PCDHA3: variants seen among roughly 807,000 people sequenced by gnomAD.
The protein encoded by PCDHA3 is protocadherin alpha 3, also known as protocadherin alpha-3.
A neutral mutation model predicts 62.2 loss-of-function variants in PCDHA3; 41 were observed. That is an observed-to-expected ratio of 0.66 (90% CI 0.51 to 0.86). PCDHA3 has a LOEUF of 0.86. Ranked by LOEUF, PCDHA3 falls within the 40% of genes least tolerant of loss-of-function variation. The pLI is 0.00. For synonymous variants in PCDHA3, 640 were observed against 555.4 expected (o/e 1.15, Z -2.14); for missense variants, 1,304 against 1,241.2 (o/e 1.05, Z -0.76).
At chr5:140,824,894 T>C (rs1768384887) in intron 1 of PCDHA3, 1 of 152,172 alleles carries the variant, frequency 6.6e-6, no homozygotes, top group Non-Finnish European at 1.5e-5. Context: ...ATTTCAACTT[T>C]GCCTAAGCAG....
At chr5:140,998,906 AG>A (rs1267220398) in intron 3 of PCDHA3, among the ~76,000 whole-genome samples, 10 of 152,208 alleles carry the variant, frequency 6.6e-5, no homozygotes, top group Non-Finnish European at 1.5e-5. Context: ...TGCCTCCGGG[AG>A]GTAGCTATTA....
rs139245496 is a variant in PCDHA3, at chr5:140,822,899, A to T, written c.2394+19308A>T. ...GTCATTGCTCTGATCAGCGTGTCTGACCGTGACTCAGGTGCCAACGGGCAG... is the reference window on the plus strand; with the variant it reads ...GTCATTGCTCTGATCAGCGTGTCTGTCCGTGACTCAGGTGCCAACGGGCAG... On this transcript the variant is annotated intron_variant, in intron 1 of 3. Transcript: ENST00000522353. The T allele has an allele frequency of 4.7e-4, 756 of 1,614,196 alleles. 1 individual carries two copies. Among genetic ancestry groups the T allele is most frequent in the Admixed American group, 7.3e-4 (44 of 60,034 alleles).
intron 3 of PCDHA3, among the ~76,000 whole-genome samples, chr5:140,992,214 C>G (rs2097499658): frequency 6.6e-6 from 1 of 152,152 alleles, no homozygotes; most frequent in Non-Finnish European, 1.5e-5. Flanking sequence ...ATAAACTACT[C>G]TCCCTTCCTG....
chr5:140,896,748 A>T (rs1554187100), intron 1 of PCDHA3, among the ~76,000 whole-genome samples: 1 of 151,856 alleles, frequency 6.6e-6, no homozygotes, highest in African/African-American at 2.4e-5. Context: ...TAGATTCTGG[A>T]TATTAGACCT....
intron 1 of PCDHA3, chr5:140,822,176 G>A (rs2150114361): frequency 6.2e-7 from 1 of 1,614,274 alleles, no homozygotes; most frequent in East Asian, 2.2e-5. Context: ...AGGTTCTCCA[G>A]ACAAGAACAA....
In PCDHA3 at chr5:140,802,315, G is replaced by A. The variant is rs782357287; in HGVS notation, c.1118G>A (p.Ser373Asn). 6.2e-7 allele frequency: 1 copy of A among 1,614,248 alleles called. No individual in the cohort carries two copies. Among genetic ancestry groups the A allele is most frequent in the East Asian group, 2.2e-5 (1 of 44,890 alleles). ...SPLSTVIALI[S>N]VSDRDSGVNG... ...CTTAGCACAGTCATCGCTCTGATCA[G>A]CGTGTCCGACCGCGACTCAGGAGTC... is the stretch of plus-strand genomic sequence containing the variant. The change falls in exon 1 of 4, where the codon AGC becomes AAC. Residue 373 changes from serine to asparagine, a missense_variant. Ser to Asn is a conservative substitution (Grantham distance 46). Coordinates refer to ENST00000522353, the MANE Select transcript of PCDHA3 (RefSeq NM_018906.3).
chr5:140,987,012 G>A (rs2097222470), intron 3 of PCDHA3, among the ~76,000 whole-genome samples: 1 of 151,994 alleles, frequency 6.6e-6, no homozygotes. Context: ...TCATGAGTTC[G>A]AGACCAGCCT....
At chr5:140,978,914 C>T (rs2096828574) in intron 1 of PCDHA3, 35 bp from the exon 2 acceptor site, 5 of 1,613,852 alleles carry the variant, frequency 3.1e-6, no homozygotes, top group Non-Finnish European at 3.4e-6. Flanking sequence ...ATTGTCTTGT[C>T]ATTTTAACAG....
intron 1 of PCDHA3, chr5:140,868,445 T>C (rs1250466502): frequency 6.6e-6 from 1 of 152,220 alleles, no homozygotes; most frequent in Non-Finnish European, 1.5e-5. Flanking sequence ...ATGTGGAACA[T>C]AAACACTAAA....
intron 1 of PCDHA3, chr5:140,803,858 G>A (rs907396675): frequency 1.3e-4 from 73 of 575,574 alleles, no homozygotes; most frequent in Non-Finnish European, 2.0e-4. Context: ...AAATGCCTGG[G>A]TATAAGACAA....
intron 1 of PCDHA3, among the ~76,000 whole-genome samples, chr5:140,933,321 C>T (rs1266539168): frequency 2.6e-5 from 4 of 151,928 alleles, no homozygotes; most frequent in Non-Finnish European, 5.9e-5. Context: ...CTCGTATTCT[C>T]CTGTGCTGTA....
At chr5:140,883,971 C>G in intron 1 of PCDHA3, 1 of 1,613,030 alleles carries the variant, frequency 6.2e-7, no homozygotes. Context: ...CTGCTGACGC[C>G]CGGGGCTGGC....
In PCDHA3 at chr5:140,964,167, C is replaced by T. The variant is rs370784169; in HGVS notation, c.2395-14782C>T. Reference sequence around the variant, plus strand: ...AGCCTCAGTATAATGGTGTGAGGAACGAAATCATTATAGTGCCAAATAGAG... The same window carrying T: ...AGCCTCAGTATAATGGTGTGAGGAATGAAATCATTATAGTGCCAAATAGAG... On this transcript the variant is annotated intron_variant, in intron 1 of 3. Coordinates refer to ENST00000522353, the MANE Select transcript of PCDHA3 (RefSeq NM_018906.3). Among the ~76,000 whole-genome samples, 16 of 152,250 alleles carry T rather than the reference C, an allele frequency of 1.1e-4. 1 individual carries two copies. The highest frequency in any genetic ancestry group is 3.4e-4 in the African/African-American group (14 of 41,544).
chr5:140,983,218 C>T (rs757778991), intron 3 of PCDHA3, among the ~76,000 whole-genome samples: 10 of 152,128 alleles, frequency 6.6e-5, no homozygotes, highest in Non-Finnish European at 1.5e-4. Flanking sequence ...ATTTCCTAAT[C>T]CAAACTTTCA....
chr5:140,804,596 A>G (rs891992121), intron 1 of PCDHA3: 1 of 152,416 alleles, frequency 6.6e-6, no homozygotes, highest in Non-Finnish European at 1.5e-5. Context: ...TGATAAGCCA[A>G]TGTTATAATG....
At position 140,948,398 on chromosome 5, in the gene PCDHA3, T is replaced by G. The variant is rs147325819; in HGVS notation, c.2395-30551T>G. 6.9e-3 allele frequency among the ~76,000 whole-genome samples: 1,051 copies of G among 151,748 alleles called. 6 individuals carry two copies. The highest frequency in any genetic ancestry group is 0.017 in the Middle Eastern group (5 of 294). Reference sequence around the variant, plus strand: ...CCTTCCTCTATTTTCTGAAAGGTTGTGTAATATTGGTGTTATTTCTTCCTT... The same window carrying G: ...CCTTCCTCTATTTTCTGAAAGGTTGGGTAATATTGGTGTTATTTCTTCCTT... On this transcript the variant is annotated intron_variant, in intron 1 of 3. Transcript: ENST00000522353.
At chr5:140,966,641 A>C in intron 1 of PCDHA3, 5 of 1,104,534 alleles carry the variant, frequency 4.5e-6, no homozygotes, top group Non-Finnish European at 6.0e-6. Flanking sequence ...GGCGCTTTCT[A>C]GAGCGTGAGC....
rs139745274 is a variant in PCDHA3, at chr5:140,994,788, C to T, written c.2542+12225C>T. On this transcript the variant is annotated intron_variant, in intron 3 of 3. Coordinates refer to ENST00000522353, the MANE Select transcript of PCDHA3 (RefSeq NM_018906.3). ...AGAATTCCAGGCAAAGGAAACAATG[C>T]GTGCATGCAAAAACAAAATACAAAA... Among the ~76,000 whole-genome samples, 132 of 152,194 alleles carry T rather than the reference C, an allele frequency of 8.7e-4. 2 individuals carry two copies. The East Asian group carries it at 0.024, about 28-fold the overall frequency.
intron 2 of PCDHA3, among the ~76,000 whole-genome samples, chr5:140,979,796 T>A (rs1322390860): frequency 3.3e-5 from 5 of 152,236 alleles, no homozygotes; most frequent in Non-Finnish European, 7.3e-5. Flanking sequence ...AAACAAATGA[T>A]CACAACTATC....
Sources: gnomAD v4.1 joint callset for allele counts (sites outside exome capture counted in the v4.1 genomes callset) on GRCh38, gnomAD v4.1.1 for gene constraint, MANE v1.5 for transcripts, NCBI Gene and HGNC (gene_info 2026-07-23, HGNC 2026-07-21) for gene names.